GPRC5B: variants seen among roughly 807,000 people sequenced by gnomAD.
GPRC5B encodes the protein G protein-coupled receptor family C group 5 member B.
A neutral mutation model predicts 30.1 loss-of-function variants in GPRC5B; 16 were observed. The ratio of observed to expected loss-of-function variants is 0.53; its 90% CI spans 0.36 to 0.81. GPRC5B has a LOEUF of 0.81. GPRC5B is among the 30% of genes least tolerant of loss of function. GPRC5B has a pLI of 0.01. For synonymous variants in GPRC5B, 241 were observed against 239.5 expected, an observed-to-expected ratio of 1.01 and a Z score of -0.06; for missense variants, 428 against 544.7, an observed-to-expected ratio of 0.79 and a Z score of 2.13.
chr16:19,885,058 C>A (rs2056840383), upstream of GPRC5B: 17 of 704,250 alleles, frequency 2.4e-5, no homozygotes, highest in Non-Finnish European at 3.1e-5. This position sits in a 1 kb window ranked among gnomAD's most constrained non-coding sequence, Gnocchi z 5.3. Context: ...GCCCGGATCT[C>A]AGAGACGATT....
At chr16:19,867,012 T>C (rs1720635251) in intron 2 of GPRC5B, among the ~76,000 whole-genome samples, 1 of 152,226 alleles carries the variant, frequency 6.6e-6, no homozygotes, top group African/African-American at 2.4e-5. Context: ...AGGATGTCAG[T>C]AGTGGAATTC....
intron 1 of GPRC5B, among the ~76,000 whole-genome samples, chr16:19,883,835 G>C (rs983432705): frequency 6.6e-6 from 1 of 152,226 alleles, no homozygotes; most frequent in Non-Finnish European, 1.5e-5. Flanking sequence ...AGATTTCTGG[G>C]GCAAGGTCGT....
intron 1 of GPRC5B, among the ~76,000 whole-genome samples, chr16:19,879,642 C>A (rs181698810): frequency 8.1e-4 from 124 of 152,258 alleles, no homozygotes; most frequent in African/African-American, 2.9e-3. Context: ...ACTTAGGAAT[C>A]AGATCTCCCA....
chr16:19,867,098 G>A (rs546575664), intron 2 of GPRC5B, among the ~76,000 whole-genome samples: 4 of 152,302 alleles, frequency 2.6e-5, no homozygotes, highest in South Asian at 2.1e-4. Context: ...TGACATCCCC[G>A]GGCTCAGTTT....
Position 19,866,402 on chromosome 16 carries a change from G to A in GPRC5B, c.1031-4429C>T, listed in dbSNP as rs556598618. Among the ~76,000 whole-genome samples the A allele has an allele frequency of 7.2e-4, 110 of 152,044 alleles. 1 individual carries two copies. Among genetic ancestry groups the A allele is most frequent in the South Asian group, 4.8e-3 (23 of 4,786 alleles). On this transcript the variant is annotated intron_variant, in intron 2 of 3. Coordinates refer to ENST00000300571, the MANE Select transcript of GPRC5B (RefSeq NM_016235.3). ...GATAAGGTCTCCCTTTGTCACCCAGGCTGGGATGCAGTGACGCGATCTCAG... is the reference window on the plus strand; with the variant it reads ...GATAAGGTCTCCCTTTGTCACCCAGACTGGGATGCAGTGACGCGATCTCAG...
At chr16:19,883,965 G>A (rs1216874670) in intron 1 of GPRC5B, among the ~76,000 whole-genome samples, 1 of 152,104 alleles carries the variant, frequency 6.6e-6, no homozygotes, top group Non-Finnish European at 1.5e-5. Context: ...GTCCTTGTGG[G>A]GCTGGAAGCC....
intron 2 of GPRC5B, among the ~76,000 whole-genome samples, chr16:19,868,487 G>T (rs1392424928): frequency 6.6e-6 from 1 of 152,148 alleles, no homozygotes; most frequent in Non-Finnish European, 1.5e-5. Context: ...CAGAGAGATG[G>T]CCCAACCAGG....
Position 19,872,404 on chromosome 16 carries a change from G to C in GPRC5B, c.442C>G (p.Arg148Gly). 1 of 1,613,484 alleles carries C rather than the reference G, an allele frequency of 6.2e-7. No individual in the cohort carries two copies. Among genetic ancestry groups the C allele is most frequent in the Non-Finnish European group, 8.5e-7 (1 of 1,179,716 alleles). The stretch of plus-strand genomic sequence containing the variant: ...CCCGTGCCATGCCGCACCAGCCTCC[G>C]CACGCGCCATGCCTGGCTCAGCAGG... Reference protein sequence around the residue: ...SCLLSQAWRVRRLVRHGTGPA... With the variant: ...SCLLSQAWRVGRLVRHGTGPA... Residue 148 changes from arginine to glycine, a missense_variant, in exon 2 of 4, where the codon CGG becomes GGG. Transcript: ENST00000300571. The surrounding 1 kb of genome is among the most constrained non-coding windows in gnomAD (Gnocchi z 5.0).
intron 2 of GPRC5B, among the ~76,000 whole-genome samples, chr16:19,862,847 G>C (rs2056638389): frequency 2.0e-5 from 3 of 152,168 alleles, no homozygotes; most frequent in Non-Finnish European, 4.4e-5. Context: ...AACCCGGGAG[G>C]TTAAGGTTGC....
chr16:19,875,394 C>G (rs1342659739), intron 1 of GPRC5B, among the ~76,000 whole-genome samples: 1 of 152,242 alleles, frequency 6.6e-6, no homozygotes, highest in Admixed American at 6.5e-5. Context: ...TGTCCACACA[C>G]CACCTGGGCG....
At position 19,861,087 on chromosome 16, in the gene GPRC5B, T is replaced by TTAAA. The variant is rs569493402; in HGVS notation, c.1168-544_1168-543insTTTA. ...GATCAAAGACCATCCCTGATTTACA[T>TTAAA]AAAAAAAAAAAAAAAAAGAAGAATG... On this transcript the variant is annotated intron_variant, in intron 3 of 3. Coordinates refer to ENST00000300571, the MANE Select transcript of GPRC5B (RefSeq NM_016235.3). 3.0e-4 allele frequency among the ~76,000 whole-genome samples: 28 copies of TTAAA among 93,388 alleles called. 2 individuals are homozygous for TTAAA. Among genetic ancestry groups the TTAAA allele is most frequent in the East Asian group, 2.1e-3 (5 of 2,410 alleles). 61.3% of individuals were successfully genotyped at this position (93,388 alleles called of 152,430 possible).
Position 19,861,912 on chromosome 16 carries a change from CCCCAAGCTGCCACTGGGTCTTTTT to C in GPRC5B, c.1068_1091del (p.Gly361_Ser368del), listed in dbSNP as rs567291041. 1.4e-5 allele frequency: 23 copies of C among 1,613,524 alleles called. No individual in the cohort carries two copies. The Admixed American group carries it at 1.8e-4, about 13-fold the overall frequency. On this transcript the variant is annotated inframe_deletion, in exon 3 of 4. Transcript: ENST00000300571. ...TTCTAAACGGAGCGCTGGGTCTTTT[CCCCAAGCTGCCACTGGGTCTTTTT>C]CCCAAGCTGCCGTTGGGAAATCCTG...
intron 2 of GPRC5B, 131 bp downstream of exon 2, chr16:19,871,685 C>T (rs1176770737): frequency 2.2e-5 from 17 of 785,756 alleles, no homozygotes; most frequent in Non-Finnish European, 2.3e-5. Flanking sequence ...CAGGAGTCAA[C>T]ATTTGTGGGT....
chr16:19,878,900 ATGCAGATTCT>A (rs2056781266), intron 1 of GPRC5B, among the ~76,000 whole-genome samples: 1 of 151,174 alleles, frequency 6.6e-6, no homozygotes. Flanking sequence ...CTCTTTAGAA[ATGCAGATTCT>A]CAGGGCGTGG....
chr16:19,861,902 T>C lies in GPRC5B; in HGVS notation c.1102A>G (p.Ser368Gly). The C allele has an allele frequency of 6.2e-7, 1 of 1,613,542 alleles. No individual in the cohort carries two copies. The highest frequency in any genetic ancestry group is 8.5e-7 in the Non-Finnish European group (1 of 1,179,568). The change falls in exon 3 of 4, where the codon AGC becomes GGC. Residue 368 changes from serine (S) to glycine (G), a missense_variant. By Grantham distance (56) the Ser-to-Gly change is moderately conservative (BLOSUM62 0). Coordinates refer to ENST00000300571, the MANE Select transcript of GPRC5B (RefSeq NM_016235.3). ...TACACGTTGCTTCTAAACGGAGCGC[T>C]GGGTCTTTTCCCCAAGCTGCCACTG... is the stretch of plus-strand genomic sequence containing the variant. ...RPSGSLGKRPSAPFRSNVYQP... is the reference protein window; with the variant it reads ...RPSGSLGKRPGAPFRSNVYQP...
chr16:19,867,510 C>T (rs545979984), intron 2 of GPRC5B, among the ~76,000 whole-genome samples: 11 of 152,346 alleles, frequency 7.2e-5, no homozygotes, highest in African/African-American at 2.2e-4. Flanking sequence ...GGCCATGATA[C>T]TTGGGTAGCT....
intron 1 of GPRC5B, among the ~76,000 whole-genome samples, chr16:19,878,916 C>CAGATTCTCAGGGT (rs2056781512): frequency 6.6e-6 from 1 of 152,164 alleles, no homozygotes; most frequent in African/African-American, 2.4e-5. Context: ...ATTCTCAGGG[C>CAGATTCTCAGGGT]GTGGGTCCAG....
In GPRC5B at chr16:19,872,172, T is replaced by G; in HGVS notation, c.674A>C (p.Lys225Thr). The change falls in exon 2 of 4, where the codon AAG becomes ACG. Residue 225 changes from lysine to threonine, a missense_variant. Lys to Thr is a moderately conservative substitution (Grantham distance 78). Around this residue, in one of 3 missense-constraint regions of GPRC5B, gnomAD observed 213 missense variants for 229.1 expected, o/e 0.93. Transcript: ENST00000300571. This position sits in a 1 kb window ranked among gnomAD's most constrained non-coding sequence, Gnocchi z 5.0. ...CCCGTTCAGCTTCCACCTCTTGAACTTGCCGCACAGAGTGAAGAGGGCCAG... is the reference window on the plus strand; with the variant it reads ...CCCGTTCAGCTTCCACCTCTTGAACGTGCCGCACAGAGTGAAGAGGGCCAG... ...LGLALFTLCGKFKRWKLNGAF... is the reference protein window; with the variant it reads ...LGLALFTLCGTFKRWKLNGAF... 6.2e-7 allele frequency: 1 copy of G among 1,614,134 alleles called. No homozygotes were observed. Among genetic ancestry groups the G allele is most frequent in the Non-Finnish European group, 8.5e-7 (1 of 1,180,018 alleles).
At chr16:19,883,820 G>C (rs2056827387) in intron 1 of GPRC5B, among the ~76,000 whole-genome samples, 1 of 152,242 alleles carries the variant, frequency 6.6e-6, no homozygotes, top group Non-Finnish European at 1.5e-5. Flanking sequence ...CCCGCTGCAC[G>C]GGGGAGATTT....
Sources: allele counts gnomAD v4.1 joint callset (sites outside exome capture counted in the v4.1 genomes callset), GRCh38; gene constraint gnomAD v4.1.1; regional missense constraint gnomAD v4.1.1; non-coding constraint Gnocchi (gnomAD v3.1); transcripts MANE v1.5; gene names NCBI Gene and HGNC (gene_info 2026-07-23, HGNC 2026-07-21).